The following MAP3K13 variants were observed in gnomAD, a reference collection of about 807,000 sequenced individuals.
MAP3K13 encodes the protein leucine zipper-bearing kinase.
In MAP3K13, 52 loss-of-function variants were observed where a neutral mutation model predicts 104.0. The ratio of observed to expected loss-of-function variants is 0.50; its 90% CI spans 0.40 to 0.63. The LOEUF (loss-of-function observed/expected upper bound fraction) is 0.63. MAP3K13 is among the 20% of genes least tolerant of loss of function. The pLI, the probability that MAP3K13 is intolerant of heterozygous loss-of-function variation, is 0.00. For missense variants in MAP3K13, 914 were observed against 1,218.5 expected (o/e 0.75, Z 3.72); for synonymous variants, 394 against 442.2 (o/e 0.89, Z 1.37).
chr3:185,331,134 C>G (rs1051908534), intron 2 of MAP3K13, among the ~76,000 whole-genome samples: 1 of 109,342 alleles, frequency 9.1e-6, no homozygotes, highest in Non-Finnish European at 1.8e-5. Context: ...ACTCTTGTTG[C>G]CCAGGCTGGA....
chr3:185,287,414 A>G (rs1720559492), intron 2 of MAP3K13, among the ~76,000 whole-genome samples: 1 of 152,218 alleles, frequency 6.6e-6, no homozygotes, highest in Admixed American at 6.5e-5. Context: ...AACCAGAAAA[A>G]TAATTTATAT....
At chr3:185,472,694 C>T (rs1362021430) in intron 10 of MAP3K13, among the ~76,000 whole-genome samples, 4 of 152,088 alleles carry the variant, frequency 2.6e-5, no homozygotes, top group Non-Finnish European at 4.4e-5. Context: ...CTTTTCAAAG[C>T]GATTGTTCTT....
intron 2 of MAP3K13, among the ~76,000 whole-genome samples, chr3:185,356,363 AT>A (rs1344087344): frequency 1.3e-5 from 2 of 152,226 alleles, no homozygotes; most frequent in Non-Finnish European, 2.9e-5. Context: ...AGAAACCTTT[AT>A]CAAACTTGTT....
At position 185,483,274 on chromosome 3, in the gene MAP3K13, C is replaced by T. The variant is rs1352478335; in HGVS notation, c.*818C>T. 7 of 232,208 alleles carry T rather than the reference C, an allele frequency of 3.0e-5. No homozygotes were observed. The highest frequency in any genetic ancestry group is 1.5e-4 in the African/African-American group (7 of 45,302). 14.4% of individuals were successfully genotyped at this position (232,208 alleles called of 1,614,324 possible). ...TGTCAAATCTTGTTTTTGGCAAATA[C>T]GTCCCTTTTTAGTGCTGTCACTGTC... On this transcript the variant is annotated 3_prime_UTR_variant, in exon 14 of 14. Transcript: ENST00000265026.
intron 1 of MAP3K13, among the ~76,000 whole-genome samples, chr3:185,421,819 G>A (rs145876982): frequency 1.9e-3 from 291 of 152,252 alleles, no homozygotes; most frequent in African/African-American, 6.8e-3. Context: ...GCGTGTGGGT[G>A]TGCATACAAA....
intron 1 of MAP3K13, among the ~76,000 whole-genome samples, chr3:185,413,653 T>C (rs1325848861): frequency 6.6e-6 from 1 of 152,020 alleles, no homozygotes; most frequent in African/African-American, 2.4e-5. Context: ...GAGACCCTAC[T>C]TCTACAAGAA....
intron 2 of MAP3K13, chr3:185,293,067 T>G: frequency 1.0e-6 from 1 of 983,360 alleles, no homozygotes; most frequent in Non-Finnish European, 1.2e-6. Flanking sequence ...ATGTACTTTT[T>G]TTTTTCCTGT....
intron 2 of MAP3K13, among the ~76,000 whole-genome samples, chr3:185,327,694 C>T (rs1008879857): frequency 2.0e-5 from 3 of 152,114 alleles, no homozygotes; most frequent in Non-Finnish European, 4.4e-5. Flanking sequence ...GGCAAATCAC[C>T]TGAGGTCAGG....
At chr3:185,318,347 C>A (rs1201786025) in intron 2 of MAP3K13, among the ~76,000 whole-genome samples, 1 of 152,198 alleles carries the variant, frequency 6.6e-6, no homozygotes. Flanking sequence ...ACCTGCCTGA[C>A]AGACAGTCAT....
intron 7 of MAP3K13, among the ~76,000 whole-genome samples, chr3:185,455,563 A>ATATATATGATATATATCATATATAT (rs1217413167): frequency 5.4e-5 from 1 of 18,358 alleles, no homozygotes; most frequent in Non-Finnish European, 1.3e-4. Flanking sequence ...GATATATATG[A>ATATATATGATATATATCATATATAT]GATATATATG....
intron 1 of MAP3K13, among the ~76,000 whole-genome samples, chr3:185,393,041 G>C (rs1315577825): frequency 6.6e-6 from 1 of 151,894 alleles, no homozygotes; most frequent in African/African-American, 2.4e-5. Flanking sequence ...GATGGAGTGA[G>C]ACTCCATCTC....
At chr3:185,305,265 C>G (rs1721251489) in intron 2 of MAP3K13, among the ~76,000 whole-genome samples, 1 of 152,092 alleles carries the variant, frequency 6.6e-6, no homozygotes, top group African/African-American at 2.4e-5. Flanking sequence ...TTCTCACTTT[C>G]TCTCGTGTAT....
At chr3:185,292,721 G>A in intron 2 of MAP3K13, 3 of 984,920 alleles carry the variant, frequency 3.0e-6, no homozygotes, top group Middle Eastern at 1.0e-3. Flanking sequence ...TGTCCAGGTT[G>A]GATACATGGC....
At chr3:185,378,516 G>T (rs997203502) in intron 1 of MAP3K13, among the ~76,000 whole-genome samples, 4 of 152,138 alleles carry the variant, frequency 2.6e-5, no homozygotes, top group African/African-American at 9.7e-5. Flanking sequence ...AAGCCAGACC[G>T]GTGTGAGGAG....
chr3:185,295,165 AT>A (rs1290215618), intron 2 of MAP3K13, among the ~76,000 whole-genome samples: 2 of 150,618 alleles, frequency 1.3e-5, no homozygotes, highest in African/African-American at 2.4e-5. Flanking sequence ...TGACAATGCC[AT>A]TTTTTTTTCT....
intron 1 of MAP3K13, among the ~76,000 whole-genome samples, chr3:185,366,706 T>G (rs1191928633): frequency 6.6e-6 from 1 of 152,264 alleles, no homozygotes; most frequent in Non-Finnish European, 1.5e-5. Context: ...AGGATCTTTT[T>G]ATGTGCTTAT....
chr3:185,298,246 T>A (rs1238497065), intron 2 of MAP3K13, among the ~76,000 whole-genome samples: 1 of 152,166 alleles, frequency 6.6e-6, no homozygotes, highest in Non-Finnish European at 1.5e-5. Context: ...ACATTTGAAG[T>A]CACATCTGTC....
chr3:185,419,018 T>C (rs1713970559), intron 1 of MAP3K13, among the ~76,000 whole-genome samples: 2 of 151,934 alleles, frequency 1.3e-5, no homozygotes, highest in African/African-American at 2.4e-5. Flanking sequence ...GAATTTATAA[T>C]TCTTTTTTTT....
In MAP3K13 at chr3:185,484,232, C is replaced by T. The variant is rs539068164; in HGVS notation, c.*1776C>T. 1 of 152,300 alleles carries T rather than the reference C, an allele frequency of 6.6e-6. No individual in the cohort carries two copies. The highest frequency in any genetic ancestry group is 2.1e-4 in the South Asian group (1 of 4,826). 9.4% of individuals were successfully genotyped at this position (152,300 alleles called of 1,614,324 possible). A position where few individuals can be genotyped will look rare whatever the true frequency, so the allele number is the denominator to read the frequency against. ...TGAGCAGGGATAGGAAGGATTTTTACATTGCCAAAAGCATGAGGTCCTGCC... is the reference window on the plus strand; with the variant it reads ...TGAGCAGGGATAGGAAGGATTTTTATATTGCCAAAAGCATGAGGTCCTGCC... On this transcript the variant is annotated 3_prime_UTR_variant, in exon 14 of 14. Transcript: ENST00000265026.
Sources: allele counts gnomAD v4.1 joint callset (sites outside exome capture counted in the v4.1 genomes callset), GRCh38; gene constraint gnomAD v4.1.1; transcripts MANE v1.5; gene names NCBI Gene and HGNC (gene_info 2026-07-23, HGNC 2026-07-21).